DNER: variants seen among roughly 807,000 people sequenced by gnomAD.
The protein encoded by DNER is delta/notch like EGF repeat containing.
In DNER, 33 loss-of-function variants were observed where a neutral mutation model predicts 78.2. That is an observed-to-expected ratio of 0.42 (90% CI 0.32 to 0.56). The LOEUF (loss-of-function observed/expected upper bound fraction) is 0.56. Ranked by LOEUF, DNER falls within the 20% of genes least tolerant of loss-of-function variation. The probability of loss-of-function intolerance (pLI) is 0.11; values close to 1 mark genes in which losing one functional copy is unlikely to be tolerated. For synonymous variants in DNER, 417 were observed against 384.8 expected (o/e 1.08, Z -0.98); for missense variants, 918 against 975.3 (o/e 0.94, Z 0.78).
intron 6 of DNER, among the ~76,000 whole-genome samples, chr2:229,479,413 TA>T (rs1008064150): frequency 2.6e-5 from 4 of 152,064 alleles, no homozygotes; most frequent in Non-Finnish European, 5.9e-5. Context: ...GAGCTTGATA[TA>T]AAAACCATCA....
intron 4 of DNER, 77 bp downstream of exon 4, chr2:229,585,781 C>A: frequency 6.6e-7 from 1 of 1,518,166 alleles, no homozygotes; most frequent in Non-Finnish European, 9.0e-7. Context: ...GCAAAATTCC[C>A]TACCTACTGT....
chr2:229,369,307 A>AAAAAAAAGTTTTAACTTTCTAAAAAGTT (rs1692425832), intron 11 of DNER, among the ~76,000 whole-genome samples: 2 of 150,110 alleles, frequency 1.3e-5, no homozygotes, highest in Admixed American at 6.6e-5. Flanking sequence ...CTAAAAAGTT[A>AAAAAAAAGTTTTAACTTTCTAAAAAGTT]AAAAAAAGTT....
At chr2:229,391,874 G>A (rs950084487) in intron 10 of DNER, among the ~76,000 whole-genome samples, 2 of 151,980 alleles carry the variant, frequency 1.3e-5, no homozygotes, top group Admixed American at 6.6e-5. Flanking sequence ...CCTTCTGTGA[G>A]GCAATATGTA....
intron 8 of DNER, among the ~76,000 whole-genome samples, chr2:229,432,879 G>A (rs11678824): frequency 0.39 from 58,850 of 152,076 alleles, 14,011 homozygotes; most frequent in Non-Finnish European, 0.53. Context: ...AATGGTAGGG[G>A]TTGTCCAAGG....
Position 229,551,949 on chromosome 2 carries a change from T to TAAATAAATAAATAAATAAATAAATAAATA in DNER, c.848-4858_848-4857insTATTTATTTATTTATTTATTTATTTATTT, listed in dbSNP as rs1482741858. 6.2e-4 allele frequency among the ~76,000 whole-genome samples: 94 copies of TAAATAAATAAATAAATAAATAAATAAATA among 151,044 alleles called. 2 individuals carry two copies. Among genetic ancestry groups the TAAATAAATAAATAAATAAATAAATAAATA allele is most frequent in the African/African-American group, 2.1e-3 (85 of 40,732 alleles). ...CCATCTCAAAAAATAAATAAATAAA[T>TAAATAAATAAATAAATAAATAAATAAATA]AAATAAATAAAATAATAAGTATGTA... is the stretch of plus-strand genomic sequence containing the variant. On this transcript the variant is annotated intron_variant, in intron 4 of 12. Coordinates refer to ENST00000341772, the MANE Select transcript of DNER (RefSeq NM_139072.4).
chr2:229,374,833 T>C (rs1337888050), intron 11 of DNER, among the ~76,000 whole-genome samples: 2 of 151,844 alleles, frequency 1.3e-5, no homozygotes, highest in Admixed American at 6.6e-5. Context: ...TGTACACTTA[T>C]AAAAAGTTAA....
At chr2:229,469,804 A>G (rs13015627) in intron 7 of DNER, among the ~76,000 whole-genome samples, 55,281 of 152,084 alleles carry the variant, frequency 0.36, 11,936 homozygotes, top group African/African-American at 0.6. Context: ...ATAGCTGGGC[A>G]TGGTGGTGGG....
intron 6 of DNER, among the ~76,000 whole-genome samples, chr2:229,500,725 T>C (rs936973538): frequency 9.9e-5 from 15 of 152,030 alleles, no homozygotes; most frequent in African/African-American, 3.4e-4. Flanking sequence ...TTTCCATAGG[T>C]TTCGGGGGAA....
intron 10 of DNER, among the ~76,000 whole-genome samples, chr2:229,393,453 A>G (rs575316624): frequency 1.3e-5 from 2 of 152,040 alleles, no homozygotes; most frequent in Non-Finnish European, 2.9e-5. Context: ...AAATAAAAAA[A>G]TAGTAGATTA....
intron 11 of DNER, among the ~76,000 whole-genome samples, chr2:229,387,497 A>AAGAG (rs1249969974): frequency 2.1e-4 from 22 of 103,552 alleles, no homozygotes; most frequent in African/African-American, 6.9e-4. Flanking sequence ...GAAAGAAAGA[A>AAGAG]AGAAAGAAAG....
intron 4 of DNER, among the ~76,000 whole-genome samples, chr2:229,582,576 T>C (rs990212759): frequency 2.0e-5 from 3 of 152,174 alleles, no homozygotes; most frequent in South Asian, 4.1e-4. Flanking sequence ...CTCAAAATCA[T>C]TGCTTTCTCC....
intron 1 of DNER, among the ~76,000 whole-genome samples, chr2:229,641,835 G>A (rs1698629761): frequency 6.6e-6 from 1 of 152,172 alleles, no homozygotes; most frequent in African/African-American, 2.4e-5. Flanking sequence ...AAGAAAGCAG[G>A]TTGGTCTCCT....
At chr2:229,571,597 C>G (rs1170264273) in intron 4 of DNER, among the ~76,000 whole-genome samples, 3 of 152,202 alleles carry the variant, frequency 2.0e-5, no homozygotes, top group Non-Finnish European at 4.4e-5. Context: ...AACTTCTACC[C>G]CTGGCCTCCC....
intron 1 of DNER, among the ~76,000 whole-genome samples, chr2:229,623,035 C>G (rs1698277082): frequency 6.6e-6 from 1 of 152,174 alleles, no homozygotes; most frequent in Admixed American, 6.5e-5. Context: ...GCCACCTGCT[C>G]ATCCTTACTC....
At chr2:229,461,026 G>A (rs1694688259) in intron 7 of DNER, among the ~76,000 whole-genome samples, 1 of 152,082 alleles carries the variant, frequency 6.6e-6, no homozygotes. Context: ...ACAGAGTGTA[G>A]GGCAGTAGGA....
At chr2:229,520,412 C>A (rs944430775) in intron 5 of DNER, among the ~76,000 whole-genome samples, 2 of 152,266 alleles carry the variant, frequency 1.3e-5, no homozygotes, top group East Asian at 3.9e-4. Flanking sequence ...GCTAAAGGAC[C>A]CCCCAGGCCA....
intron 7 of DNER, among the ~76,000 whole-genome samples, chr2:229,452,722 G>A (rs899177356): frequency 6.6e-6 from 1 of 152,166 alleles, no homozygotes; most frequent in African/African-American, 2.4e-5. Flanking sequence ...TCCGCCTCCT[G>A]GATTCAAGCA....
chr2:229,576,449 G>A (rs537190152), intron 4 of DNER, among the ~76,000 whole-genome samples: 1 of 151,696 alleles, frequency 6.6e-6, no homozygotes, highest in East Asian at 1.9e-4. Flanking sequence ...AATTCTTAAG[G>A]TTGACATTTT....
At position 229,373,162 on chromosome 2, in the gene DNER, G is replaced by A. The variant is rs142207228; in HGVS notation, c.1856-6043C>T. On this transcript the variant is annotated intron_variant, in intron 11 of 12. Transcript: ENST00000341772. The stretch of plus-strand genomic sequence containing the variant: ...CTATTGACAGAGTAAACAGACAACC[G>A]ACAGAAGAGGAGAAAATATTCGCAA... Among the ~76,000 whole-genome samples the A allele has an allele frequency of 5.3e-5, 8 of 152,206 alleles. No homozygotes were observed. In the East Asian group the frequency reaches 1.4e-3, roughly 26 times the overall value.
Sources: gnomAD v4.1 joint callset for allele counts (sites outside exome capture counted in the v4.1 genomes callset) on GRCh38, gnomAD v4.1.1 for gene constraint, MANE v1.5 for transcripts, NCBI Gene and HGNC (gene_info 2026-07-23, HGNC 2026-07-21) for gene names.